PHKB: variants seen among roughly 807,000 people sequenced by gnomAD.
The protein encoded by PHKB is phosphorylase b kinase regulatory subunit beta.
A neutral mutation model predicts 152.1 loss-of-function variants in PHKB; 122 were observed. The observed-to-expected ratio is 0.80, with a 90% CI of 0.69 to 0.93. The LOEUF is 0.93. Among genes scored for constraint, PHKB ranks in the 40% least tolerant of loss-of-function variants. PHKB has a pLI of 0.00. For synonymous variants in PHKB, 436 were observed against 464.9 expected (o/e 0.94, Z 0.80); for missense variants, 1,304 against 1,328.4 (o/e 0.98, Z 0.29).
At chr16:47,571,853 C>T (rs1208938741) in intron 7 of PHKB, among the ~76,000 whole-genome samples, 1 of 152,194 alleles carries the variant, frequency 6.6e-6, no homozygotes, top group Admixed American at 6.5e-5. Flanking sequence ...AGTTGTGGTA[C>T]TCAAGGTTCA....
At position 47,696,413 on chromosome 16, in the gene PHKB, G is replaced by C. The variant is rs1364327234; in HGVS notation, c.2928G>C (p.Glu976Asp). The C allele has an allele frequency of 6.2e-7, 1 of 1,610,040 alleles. No homozygotes were observed. The highest frequency in any genetic ancestry group is 8.5e-7 in the Non-Finnish European group (1 of 1,176,260). Residue 976 changes from glutamate (E) to aspartate (D), a missense_variant, in exon 29 of 31, where the codon GAG becomes GAC. By Grantham distance (45) the Glu-to-Asp change is conservative. Transcript: ENST00000323584. ...QPTLSDMTMY[E>D]MNFSLLVEDT... ...CCCTGTCAGATATGACCATGTATGA[G>C]ATGAATTTCTCTCTCCTTGTTGAAG...
chr16:47,500,616 CTACCCAATTTCTGGTTTTA>C (rs1449835979), intron 3 of PHKB, among the ~76,000 whole-genome samples: 6 of 152,032 alleles, frequency 3.9e-5, no homozygotes, highest in African/African-American at 1.2e-4. Flanking sequence ...TTCTTTTCCC[CTACCCAATTTCTGGTTTTA>C]TCACTGCACT....
At chr16:47,509,512 AG>A (rs1360512987) in intron 4 of PHKB, among the ~76,000 whole-genome samples, 2 of 152,186 alleles carry the variant, frequency 1.3e-5, no homozygotes, top group African/African-American at 4.8e-5. Context: ...ACTTTTTATG[AG>A]CATACAAATG....
At chr16:47,578,016 T>A (rs573093049) in intron 7 of PHKB, among the ~76,000 whole-genome samples, 5 of 152,308 alleles carry the variant, frequency 3.3e-5, no homozygotes, top group Admixed American at 3.3e-4. Context: ...TTTTCCATTC[T>A]ATTTTCTTTG....
At chr16:47,544,282 G>A (rs570268282) in intron 6 of PHKB, among the ~76,000 whole-genome samples, 19 of 152,190 alleles carry the variant, frequency 1.2e-4, no homozygotes, top group Non-Finnish European at 1.8e-4. Flanking sequence ...ATTCTGTTAC[G>A]TTGTGTCTTT....
intron 26 of PHKB, among the ~76,000 whole-genome samples, chr16:47,678,033 C>A (rs1973768542): frequency 6.7e-6 from 1 of 150,186 alleles, no homozygotes; most frequent in Non-Finnish European, 1.5e-5. Context: ...CCTTTTTTGT[C>A]CTCGCAATAG....
chr16:47,665,798 T>G (rs1419496312), intron 25 of PHKB: 1 of 720,160 alleles, frequency 1.4e-6, no homozygotes, highest in East Asian at 2.7e-5. Context: ...AGCTGTTAGG[T>G]TCAATGTCCT....
rs780154582 is a variant in PHKB, at chr16:47,610,833, A to G, written c.1371A>G (p.Glu457=). The G allele has an allele frequency of 1.3e-6, 2 of 1,595,192 alleles. No individual in the cohort carries two copies. Among genetic ancestry groups the G allele is most frequent in the Non-Finnish European group, 1.7e-6 (2 of 1,162,960 alleles). The change falls in exon 14 of 31, where the codon GAA becomes GAG. Residue 457 remains glutamate, a synonymous_variant. Transcript: ENST00000323584. ...LYIIAKLLAD[E]LISPKDIDPV... ...TCCCCTTCTTTTTTTCAGCTGATGA[A>G]CTTATTAGTCCTAAAGACATTGATC...
intron 7 of PHKB, among the ~76,000 whole-genome samples, chr16:47,558,285 T>G (rs1312941667): frequency 6.7e-6 from 1 of 150,290 alleles, no homozygotes. Flanking sequence ...TAATGCTAAA[T>G]GACGAGTTAA....
chr16:47,545,373 T>A (rs1230339560), intron 6 of PHKB, among the ~76,000 whole-genome samples: 4 of 152,206 alleles, frequency 2.6e-5, no homozygotes, highest in African/African-American at 9.6e-5. Flanking sequence ...GCTGGATATG[T>A]AATTCTGGGT....
At chr16:47,692,354 G>A (rs560871585) in intron 27 of PHKB, among the ~76,000 whole-genome samples, 19 of 152,266 alleles carry the variant, frequency 1.2e-4, no homozygotes, top group African/African-American at 3.8e-4. Context: ...CGTGGTTCAT[G>A]CCTATAATCC....
At chr16:47,565,427 T>A in intron 7 of PHKB, 1 of 1,325,202 alleles carries the variant, frequency 7.5e-7, no homozygotes, top group Non-Finnish European at 1.1e-6. Context: ...GTATCTGAGC[T>A]CTGTGATAGA....
chr16:47,659,980 C>T (rs150024704), intron 20 of PHKB, among the ~76,000 whole-genome samples: 4,424 of 152,248 alleles, frequency 0.029, 141 homozygotes, highest in East Asian at 0.094. Context: ...TCTTCTGCCT[C>T]AGCCTCCCGA....
At chr16:47,590,798 T>G (rs1972015814) in intron 10 of PHKB, 1 of 152,238 alleles carries the variant, frequency 6.6e-6, no homozygotes. Flanking sequence ...TTCAGCCTCA[T>G]CATTGCTGTC....
At chr16:47,466,659 C>T (rs1029939844) in intron 1 of PHKB, among the ~76,000 whole-genome samples, 5 of 151,954 alleles carry the variant, frequency 3.3e-5, no homozygotes, top group African/African-American at 1.2e-4. Flanking sequence ...GATTAACTTT[C>T]TTTTGTTAAT....
In PHKB at chr16:47,696,732, A is replaced by G. The variant is rs547084162; in HGVS notation, c.3003+244A>G. On this transcript the variant is annotated intron_variant, in intron 29 of 30. Coordinates refer to ENST00000323584, the MANE Select transcript of PHKB (RefSeq NM_000293.3). The stretch of plus-strand genomic sequence containing the variant: ...CAATTCAGACACCTCAGGCTCCTCC[A>G]GGAAGGGAGAACCGACCCCTGCTTT... Among the ~76,000 whole-genome samples the G allele has an allele frequency of 9.3e-4, 141 of 152,296 alleles. 1 individual carries two copies. Among genetic ancestry groups the G allele is most frequent in the African/African-American group, 3.2e-3 (135 of 41,564 alleles).
chr16:47,632,228 T>C (rs1410297508), intron 14 of PHKB, among the ~76,000 whole-genome samples: 1 of 152,226 alleles, frequency 6.6e-6, no homozygotes, highest in African/African-American at 2.4e-5. Context: ...AGTCTACTTT[T>C]ATAAGCAGAA....
At position 47,689,168 on chromosome 16, in the gene PHKB, A is replaced by T. The variant is rs1320707563; in HGVS notation, c.2758A>T (p.Asn920Tyr). ...LLLDILQPQQNGRCWLNRRQI... is the reference protein window; with the variant it reads ...LLLDILQPQQYGRCWLNRRQI... ...GCTGGATATTCTGCAGCCTCAACAGAATGGAAGGTAATAAGGGCCCCTTGT... is the reference window on the plus strand; with the variant it reads ...GCTGGATATTCTGCAGCCTCAACAGTATGGAAGGTAATAAGGGCCCCTTGT... The change falls in exon 27 of 31, where the codon AAT becomes TAT. Residue 920 changes from asparagine (N) to tyrosine (Y), a missense_variant. Asn to Tyr is a moderately radical substitution (Grantham distance 143). Coordinates refer to ENST00000323584, the MANE Select transcript of PHKB (RefSeq NM_000293.3). The T allele has an allele frequency of 2.5e-6, 4 of 1,614,014 alleles. No individual in the cohort carries two copies. Among genetic ancestry groups the T allele is most frequent in the Non-Finnish European group, 3.4e-6 (4 of 1,179,916 alleles).
At chr16:47,524,820 A>G (rs1167329278) in intron 6 of PHKB, among the ~76,000 whole-genome samples, 1 of 152,206 alleles carries the variant, frequency 6.6e-6, no homozygotes, top group Non-Finnish European at 1.5e-5. Flanking sequence ...AAATTCCTTC[A>G]TTCAGTATCC....
Sources: allele counts gnomAD v4.1 joint callset (sites outside exome capture counted in the v4.1 genomes callset), GRCh38; gene constraint gnomAD v4.1.1; transcripts MANE v1.5; gene names NCBI Gene and HGNC (gene_info 2026-07-23, HGNC 2026-07-21).